Variants in XPNPEP3 observed in about 807,000 individuals in gnomAD.
XPNPEP3 encodes the protein xaa-Pro aminopeptidase 3.
XPNPEP3 carries 41 observed loss-of-function variants against 60.0 expected under a neutral mutation model. The ratio of observed to expected loss-of-function variants is 0.68; its 90% CI spans 0.53 to 0.89. The LOEUF is 0.89. Ranked by LOEUF, XPNPEP3 falls within the 40% of genes least tolerant of loss-of-function variation. XPNPEP3 has a pLI of 0.00. For missense variants in XPNPEP3, 598 were observed against 638.9 expected (o/e 0.94, Z 0.69); for synonymous variants, 212 against 223.2 (o/e 0.95, Z 0.45).
At chr22:40,896,479 A>C (rs775052076) in intron 4 of XPNPEP3, among the ~76,000 whole-genome samples, 11 of 152,186 alleles carry the variant, frequency 7.2e-5, no homozygotes, top group Non-Finnish European at 1.3e-4. Flanking sequence ...CAGCCTGGGC[A>C]ACAAGGCGAA....
At chr22:40,893,796 A>G (rs1163881135) in intron 4 of XPNPEP3, among the ~76,000 whole-genome samples, 1 of 151,976 alleles carries the variant, frequency 6.6e-6, no homozygotes, top group Admixed American at 6.6e-5. Flanking sequence ...TTGTATTTTT[A>G]GTAGAGACGA....
chr22:40,902,992 A>G (rs1044478091), intron 4 of XPNPEP3, among the ~76,000 whole-genome samples: 1 of 152,138 alleles, frequency 6.6e-6, no homozygotes, highest in Non-Finnish European at 1.5e-5. Context: ...AGGATTTTTT[A>G]TTTTGGTCAC....
intron 3 of XPNPEP3, among the ~76,000 whole-genome samples, chr22:40,885,592 A>G (rs1259645261): frequency 6.6e-6 from 1 of 152,200 alleles, no homozygotes; most frequent in Non-Finnish European, 1.5e-5. Context: ...TTACCCATAA[A>G]GTCATGATCT....
At position 40,926,495 on chromosome 22, in the gene XPNPEP3, A is replaced by G; in HGVS notation, c.*60A>G. ...AATGGGTGTCTTCTGGCAGCCCTGC[A>G]CGTGTGCTTTCTGAGTGTCTCTGTG... On this transcript the variant is annotated 3_prime_UTR_variant, in exon 10 of 10. Coordinates refer to ENST00000357137, the MANE Select transcript of XPNPEP3 (RefSeq NM_022098.4). 6.3e-7 allele frequency: 1 copy of G among 1,584,866 alleles called. No homozygotes were observed. Among genetic ancestry groups the G allele is most frequent in the Non-Finnish European group, 8.7e-7 (1 of 1,154,690 alleles).
At chr22:40,893,115 A>C (rs985807755) in intron 4 of XPNPEP3, among the ~76,000 whole-genome samples, 1 of 146,828 alleles carries the variant, frequency 6.8e-6, no homozygotes, top group Non-Finnish European at 1.5e-5. Flanking sequence ...AATATATATA[A>C]ATATATATTA....
chr22:40,861,492 A>G lies in XPNPEP3; in HGVS notation c.64+4247A>G, dbSNP rs1239661517. ...AAAAGCCAGGGAAGAGAAAGAAGTA[A>G]GGCCTTCATGCCCCAATGAACCCTG... On this transcript the variant is annotated intron_variant, in intron 1 of 9. Transcript: ENST00000357137. 5.6e-6 allele frequency: 9 copies of G among 1,614,218 alleles called. No individual in the cohort carries two copies. In the East Asian group the frequency reaches 2.0e-4, roughly 36 times the overall value.
At chr22:40,886,884 G>A (rs901418462) in intron 4 of XPNPEP3, among the ~76,000 whole-genome samples, 2 of 150,350 alleles carry the variant, frequency 1.3e-5, no homozygotes, top group African/African-American at 4.9e-5. Context: ...TGGAAAAATC[G>A]TAAGCTCTTG....
intron 4 of XPNPEP3, among the ~76,000 whole-genome samples, chr22:40,891,563 G>T (rs1280531030): frequency 6.6e-6 from 1 of 151,828 alleles, no homozygotes; most frequent in African/African-American, 2.4e-5. Context: ...TGAGGCAGGG[G>T]AATCGCTCGA....
intron 1 of XPNPEP3, among the ~76,000 whole-genome samples, chr22:40,864,924 A>G (rs2145771084): frequency 1.3e-5 from 2 of 152,334 alleles, no homozygotes; most frequent in Middle Eastern, 6.8e-3. Flanking sequence ...GCTCTGGTTC[A>G]AACGCCTCTG....
intron 4 of XPNPEP3, among the ~76,000 whole-genome samples, chr22:40,890,314 G>T (rs542900572): frequency 6.6e-6 from 1 of 152,182 alleles, no homozygotes; most frequent in East Asian, 1.9e-4. Flanking sequence ...TTGGGAGGCT[G>T]AGGCAGGAGA....
At chr22:40,880,987 A>G (rs1319936708) in intron 2 of XPNPEP3, among the ~76,000 whole-genome samples, 2 of 152,096 alleles carry the variant, frequency 1.3e-5, no homozygotes, top group African/African-American at 4.8e-5. Flanking sequence ...ATGTTTTAAA[A>G]TGCATTGTGG....
At chr22:40,866,499 A>G (rs1395407991) in intron 1 of XPNPEP3, among the ~76,000 whole-genome samples, 1 of 152,110 alleles carries the variant, frequency 6.6e-6, no homozygotes, top group Non-Finnish European at 1.5e-5. Context: ...TAAGAGAACT[A>G]TATTTTTTAA....
At chr22:40,878,401 T>A (rs1443809953) in intron 2 of XPNPEP3, among the ~76,000 whole-genome samples, 1 of 152,158 alleles carries the variant, frequency 6.6e-6, no homozygotes, top group Non-Finnish European at 1.5e-5. Flanking sequence ...AGGAATACTT[T>A]GAAGGGTATA....
chr22:40,860,594 G>A (rs2057936875), intron 1 of XPNPEP3: 2 of 1,214,276 alleles, frequency 1.6e-6, no homozygotes, highest in Admixed American at 3.0e-5. Context: ...AAGAAAAATA[G>A]GCTATAAACT....
In XPNPEP3 at chr22:40,866,439, A is replaced by AT. The variant is rs1047680393; in HGVS notation, c.65-2554dup. Among the ~76,000 whole-genome samples, 33 of 152,164 alleles carry AT rather than the reference A, an allele frequency of 2.2e-4. No homozygotes were observed. The South Asian group carries it at 2.5e-3, about 11-fold the overall frequency. ...TTGCGTAAGTGATGTTTGAGCTGGTATTTTTTAGAATTTCTGTAATCGTAT... is the reference window on the plus strand; with the variant it reads ...TTGCGTAAGTGATGTTTGAGCTGGTATTTTTTTAGAATTTCTGTAATCGTAT... On this transcript the variant is annotated intron_variant, in intron 1 of 9. Coordinates refer to ENST00000357137, the MANE Select transcript of XPNPEP3 (RefSeq NM_022098.4).
chr22:40,904,968 C>G (rs1273220333), intron 4 of XPNPEP3, among the ~76,000 whole-genome samples: 2 of 152,120 alleles, frequency 1.3e-5, no homozygotes, highest in Non-Finnish European at 2.9e-5. Flanking sequence ...AGGATTTCAC[C>G]ATGTTGGCCA....
At chr22:40,859,484 A>G (rs1224823588) in intron 1 of XPNPEP3, 1 of 152,076 alleles carries the variant, frequency 6.6e-6, no homozygotes, top group Non-Finnish European at 1.5e-5. Context: ...TTTTTTTTCA[A>G]CTTTACTACC....
intron 2 of XPNPEP3, 149 bp downstream of exon 2, chr22:40,869,264 C>T: frequency 1.6e-6 from 1 of 629,734 alleles, no homozygotes; most frequent in East Asian, 2.7e-5. Flanking sequence ...AATAAGGTTG[C>T]TAGTACAGCT....
intron 6 of XPNPEP3, 40 bp from the exon 7 acceptor site, chr22:40,914,199 C>A: frequency 6.8e-7 from 1 of 1,477,906 alleles, no homozygotes; most frequent in Non-Finnish European, 9.5e-7. Context: ...AACTTATAAT[C>A]ATGAGCTTAT....
Sources: gnomAD v4.1 joint callset for allele counts (sites outside exome capture counted in the v4.1 genomes callset) on GRCh38, gnomAD v4.1.1 for gene constraint, MANE v1.5 for transcripts, NCBI Gene and HGNC (gene_info 2026-07-23, HGNC 2026-07-21) for gene names.